Variants in DSCAML1 observed in about 807,000 individuals in gnomAD.
DSCAML1 encodes DS cell adhesion molecule like 1, also known as cell adhesion molecule DSCAML1.
A neutral mutation model predicts 200.5 loss-of-function variants in DSCAML1; 38 were observed. The observed-to-expected ratio is 0.19, with a 90% confidence interval of 0.15 to 0.25. The LOEUF is 0.25. Ranked by LOEUF, DSCAML1 falls within the 10% of genes least tolerant of loss-of-function variation. The probability of loss-of-function intolerance (pLI) is 1.00; values close to 1 mark genes in which losing one functional copy is unlikely to be tolerated. For missense variants in DSCAML1, 2,223 were observed against 2,858.8 expected, an observed-to-expected ratio of 0.78 and a Z score of 5.07; for synonymous variants, 1,215 against 1,165.0, an observed-to-expected ratio of 1.04 and a Z score of -0.87.
In DSCAML1 at chr11:117,708,576, G is replaced by A. The variant is rs1487278027; in HGVS notation, c.511+68215C>T. 2.0e-5 allele frequency among the ~76,000 whole-genome samples: 3 copies of A among 152,326 alleles called. No individual in the cohort carries two copies. In the East Asian group the frequency reaches 5.8e-4, roughly 29 times the overall value. ...ACACACAGTACTTGGCACACAGCAAGCCCTCAAGAAATGTTAGTGGCTAAT... is the reference window on the plus strand; with the variant it reads ...ACACACAGTACTTGGCACACAGCAAACCCTCAAGAAATGTTAGTGGCTAAT... On this transcript the variant is annotated intron_variant, in intron 3 of 32. Transcript: ENST00000651296.
At chr11:117,606,375 A>G (rs2051566690) in intron 3 of DSCAML1, among the ~76,000 whole-genome samples, 1 of 152,190 alleles carries the variant, frequency 6.6e-6, no homozygotes, top group South Asian at 2.1e-4. Context: ...CCGCTGTGAG[A>G]GTGCATAGCT....
At chr11:117,784,240 A>G (rs541625184) in intron 1 of DSCAML1, among the ~76,000 whole-genome samples, 16 of 152,346 alleles carry the variant, frequency 1.1e-4, no homozygotes, top group African/African-American at 3.8e-4. Flanking sequence ...CATTGCCATC[A>G]TGAAACATCA....
At chr11:117,653,555 C>T (rs2052674085) in intron 3 of DSCAML1, among the ~76,000 whole-genome samples, 1 of 152,102 alleles carries the variant, frequency 6.6e-6, no homozygotes, top group South Asian at 2.1e-4. Context: ...TAAGAGAGGA[C>T]CAATGTGGGA....
chr11:117,611,819 G>GATGT (rs1306032402), intron 3 of DSCAML1: 1 of 152,182 alleles, frequency 6.6e-6, no homozygotes, highest in Non-Finnish European at 1.5e-5. Flanking sequence ...CTTGCCTGAT[G>GATGT]ATGTCTATTC....
upstream of DSCAML1, among the ~76,000 whole-genome samples, chr11:117,798,333 T>C (rs994438589): frequency 2.0e-5 from 3 of 152,200 alleles, no homozygotes; most frequent in African/African-American, 7.2e-5. Flanking sequence ...GAAAATTTAC[T>C]TCCTCGAAAT....
intron 3 of DSCAML1, among the ~76,000 whole-genome samples, chr11:117,674,668 T>C (rs1375968226): frequency 1.3e-5 from 2 of 152,166 alleles, no homozygotes; most frequent in Non-Finnish European, 2.9e-5. Context: ...CCCTTTCTTC[T>C]GTATGGACTT....
In DSCAML1 at chr11:117,435,636, T is replaced by TC; in HGVS notation, c.4876+7dup. 4.4e-6 allele frequency: 7 copies of TC among 1,589,020 alleles called. No homozygotes were observed. Among genetic ancestry groups the TC allele is most frequent in the Non-Finnish European group, 6.0e-6 (7 of 1,160,622 alleles). On this transcript the variant is annotated splice_region_variant and intron_variant, in intron 27 of 32. Coordinates refer to ENST00000651296, the MANE Select transcript of DSCAML1 (RefSeq NM_020693.4). ...CCCTCCTGGAAGGCCCATAGGAAGC[T>TC]CCCCCACCTCGGAGTCGCTTCAGCC...
intron 3 of DSCAML1, among the ~76,000 whole-genome samples, chr11:117,579,106 C>T (rs971352794): frequency 4.6e-5 from 7 of 152,226 alleles, no homozygotes; most frequent in African/African-American, 1.7e-4. Flanking sequence ...TCTCTAAGTA[C>T]ATTGCCATGG....
In DSCAML1 at chr11:117,603,153, G is replaced by C. The variant is rs994176606; in HGVS notation, c.512-70631C>G. On this transcript the variant is annotated intron_variant, in intron 3 of 32. Transcript: ENST00000651296. Reference sequence around the variant, plus strand: ...CAAACCAATCAGAGACCAGTGCAAGGTCCCATATGAGGAACTGACACAGAG... The same window carrying C: ...CAAACCAATCAGAGACCAGTGCAAGCTCCCATATGAGGAACTGACACAGAG... 9.9e-5 allele frequency among the ~76,000 whole-genome samples: 15 copies of C among 152,274 alleles called. No individual in the cohort carries two copies. In the South Asian group the frequency reaches 1.0e-3, roughly 11 times the overall value.
At chr11:117,694,347 A>G (rs2137727386) in intron 3 of DSCAML1, among the ~76,000 whole-genome samples, 1 of 151,876 alleles carries the variant, frequency 6.6e-6, no homozygotes, top group South Asian at 2.1e-4. Flanking sequence ...CAGAGGTTGC[A>G]GTGAGCTGAG....
chr11:117,565,304 C>T (rs1008446865), intron 3 of DSCAML1, among the ~76,000 whole-genome samples: 1 of 152,142 alleles, frequency 6.6e-6, no homozygotes, highest in Non-Finnish European at 1.5e-5. Context: ...GAATATTTGT[C>T]TTTTCTTTAT....
intron 17 of DSCAML1, 30 bp downstream of exon 17, chr11:117,464,912 G>C (rs1046997663): frequency 1.2e-6 from 2 of 1,607,450 alleles, no homozygotes; most frequent in Non-Finnish European, 1.7e-6. Flanking sequence ...GCAGGAATCT[G>C]TGCCCACTCC....
intron 3 of DSCAML1, among the ~76,000 whole-genome samples, chr11:117,641,031 A>G (rs1293988674): frequency 6.6e-6 from 1 of 152,256 alleles, no homozygotes; most frequent in Non-Finnish European, 1.5e-5. Flanking sequence ...TTATTTTGAT[A>G]GAGGGGAATA....
chr11:117,453,723 T>A (rs1013141682), intron 19 of DSCAML1, among the ~76,000 whole-genome samples: 8 of 143,788 alleles, frequency 5.6e-5, no homozygotes, highest in African/African-American at 1.8e-4. Flanking sequence ...TGCTTAGGTG[T>A]GGATTTCTTT....
intron 3 of DSCAML1, among the ~76,000 whole-genome samples, chr11:117,667,517 T>C (rs1447376348): frequency 2.0e-5 from 3 of 152,144 alleles, no homozygotes; most frequent in African/African-American, 4.8e-5. Context: ...CTGGGGGCGG[T>C]GCTCATCTCC....
At chr11:117,702,269 G>C (rs1271291856) in intron 3 of DSCAML1, among the ~76,000 whole-genome samples, 2 of 152,058 alleles carry the variant, frequency 1.3e-5, no homozygotes, top group African/African-American at 4.8e-5. Context: ...TGTTACCCTG[G>C]CTGGCCTCTG....
chr11:117,608,501 A>T (rs536687961), intron 3 of DSCAML1, among the ~76,000 whole-genome samples: 88 of 152,330 alleles, frequency 5.8e-4, no homozygotes, highest in African/African-American at 2.1e-3. Flanking sequence ...TATCTTGTAC[A>T]TGGTTATATT....
rs571416920 is a variant in DSCAML1 at position 117,631,010 on chromosome 11, T to C, written c.512-98488A>G. 1.1e-4 allele frequency among the ~76,000 whole-genome samples: 16 copies of C among 152,332 alleles called. No homozygotes were observed. The South Asian group carries it at 3.1e-3, about 30-fold the overall frequency. On this transcript the variant is annotated intron_variant, in intron 3 of 32. Coordinates refer to ENST00000651296, the MANE Select transcript of DSCAML1 (RefSeq NM_020693.4). ...AGTGCTCAGAATGTTGCCTGGCACA[T>C]AGTGGGCACTCAATAAACATAAACA...
chr11:117,740,577 G>A (rs10466534), intron 3 of DSCAML1, among the ~76,000 whole-genome samples: 13,482 of 152,034 alleles, frequency 0.089, 1,128 homozygotes, highest in African/African-American at 0.21. Flanking sequence ...CCTGGCCCCC[G>A]TCAGCAGACC....
Sources: allele counts gnomAD v4.1 joint callset (sites outside exome capture counted in the v4.1 genomes callset), GRCh38; gene constraint gnomAD v4.1.1; transcripts MANE v1.5; gene names NCBI Gene and HGNC (gene_info 2026-07-23, HGNC 2026-07-21).